Variants in SPOPL observed in about 807,000 individuals in gnomAD.
SPOPL encodes speckle-type POZ protein-like.
In SPOPL, 23 loss-of-function variants were observed where a neutral mutation model predicts 53.8. The observed-to-expected ratio is 0.43, with a 90% CI of 0.31 to 0.61. The LOEUF (loss-of-function observed/expected upper bound fraction) is 0.61. SPOPL is among the 20% of genes least tolerant of loss of function. The pLI is 0.12. For synonymous variants in SPOPL, 164 were observed against 149.7 expected, an observed-to-expected ratio of 1.10 and a Z score of -0.70; for missense variants, 442 against 466.9, an observed-to-expected ratio of 0.95 and a Z score of 0.49.
At chr2:138,521,214 TAACTTATGGTGG>T (rs1281789908) in intron 1 of SPOPL, among the ~76,000 whole-genome samples, 2 of 152,208 alleles carry the variant, frequency 1.3e-5, no homozygotes, top group Admixed American at 6.5e-5. Context: ...GAATCTGTAT[TAACTTATGGTGG>T]AACTGGACAG....
intron 10 of SPOPL, among the ~76,000 whole-genome samples, chr2:138,567,567 C>G (rs1685691146): frequency 6.6e-6 from 1 of 151,894 alleles, no homozygotes. Context: ...GGGTTTTCAC[C>G]CAGAGTGGGA....
At chr2:138,512,792 G>A (rs1684354881) in intron 1 of SPOPL, among the ~76,000 whole-genome samples, 1 of 152,006 alleles carries the variant, frequency 6.6e-6, no homozygotes, top group Admixed American at 6.5e-5. Context: ...AGTAGTTATT[G>A]ACTGACTGTT....
At chr2:138,567,372 AGTGTGTGTGTGTGTGTGT>A (rs57208490) in intron 10 of SPOPL, among the ~76,000 whole-genome samples, 1,906 of 113,032 alleles carry the variant, frequency 0.017, 36 homozygotes, top group African/African-American at 0.044. Flanking sequence ...AGAGCAGTAT[AGTGTGTGTGTGTGTGTGT>A]GTGTGTGTGT....
In SPOPL at chr2:138,559,102, A is replaced by G; in HGVS notation, c.561A>G (p.Ala187=). The G allele has an allele frequency of 1.2e-6, 2 of 1,613,848 alleles. No homozygotes were observed. Among genetic ancestry groups the G allele is most frequent in the African/African-American group, 2.7e-5 (2 of 75,052 alleles). Residue 187 remains alanine, a synonymous_variant, in exon 6 of 11, where the codon GCA becomes GCG. Transcript: ENST00000280098. ...TGAAGGTGCCTGAGTGTCGTCTAGC[A>G]GAAGATTTAGGTAATCTCTGGGAAA... ...NTLKVPECRL[A]EDLGNLWENT...
At chr2:138,527,678 T>C (rs926202617) in intron 1 of SPOPL, among the ~76,000 whole-genome samples, 2 of 152,202 alleles carry the variant, frequency 1.3e-5, no homozygotes, top group Admixed American at 6.5e-5. Flanking sequence ...TTTCTTCCCA[T>C]TTTGGACCTT....
At chr2:138,502,828 A>G (rs1684135552) in intron 1 of SPOPL, among the ~76,000 whole-genome samples, 1 of 152,230 alleles carries the variant, frequency 6.6e-6, no homozygotes, top group Admixed American at 6.5e-5. Context: ...TTGATTCAAC[A>G]TAAAAGAAAA....
intron 1 of SPOPL, among the ~76,000 whole-genome samples, chr2:138,516,359 G>A (rs1438966244): frequency 1.3e-5 from 2 of 152,174 alleles, no homozygotes; most frequent in Non-Finnish European, 2.9e-5. Flanking sequence ...AGGAAGTATT[G>A]GTAATAAGAG....
chr2:138,546,207 T>A (rs1685191880), intron 1 of SPOPL, among the ~76,000 whole-genome samples: 1 of 152,248 alleles, frequency 6.6e-6, no homozygotes, highest in African/African-American at 2.4e-5. Flanking sequence ...ATAACAAATC[T>A]TGCTTTCCCT....
chr2:138,552,782 G>C, intron 5 of SPOPL, 101 bp downstream of exon 5: 1 of 1,304,664 alleles, frequency 7.7e-7, no homozygotes. Context: ...AATTGGTATA[G>C]TTGATTGAGT....
intron 1 of SPOPL, among the ~76,000 whole-genome samples, chr2:138,521,900 G>A (rs1684566586): frequency 6.6e-6 from 1 of 152,138 alleles, no homozygotes; most frequent in South Asian, 2.1e-4. Flanking sequence ...ATTCAGAGAT[G>A]GAGGACAAAT....
intron 5 of SPOPL, 32 bp downstream of exon 5, chr2:138,552,713 G>A: frequency 1.3e-6 from 2 of 1,595,330 alleles, no homozygotes; most frequent in Non-Finnish European, 1.7e-6. Context: ...AGAACCCCAT[G>A]GTTTATTTAG....
intron 1 of SPOPL, among the ~76,000 whole-genome samples, chr2:138,515,273 A>T (rs935785299): frequency 4.6e-5 from 7 of 152,192 alleles, no homozygotes; most frequent in African/African-American, 1.7e-4. Context: ...TGAGTTTGCA[A>T]CATTGGCCCA....
At chr2:138,545,650 A>G (rs1251610263) in intron 1 of SPOPL, among the ~76,000 whole-genome samples, 1 of 151,890 alleles carries the variant, frequency 6.6e-6, no homozygotes, top group African/African-American at 2.4e-5. Context: ...CGTGTTAGCC[A>G]GGATGGTCTC....
intron 8 of SPOPL, among the ~76,000 whole-genome samples, 166 bp downstream of exon 8, chr2:138,561,093 A>T (rs1227055618): frequency 6.6e-6 from 1 of 152,168 alleles, no homozygotes; most frequent in Non-Finnish European, 1.5e-5. Flanking sequence ...TTTTTTTTTA[A>T]AAGTCATGAT....
intron 1 of SPOPL, among the ~76,000 whole-genome samples, chr2:138,542,296 C>G (rs1423046407): frequency 6.6e-6 from 1 of 152,162 alleles, no homozygotes; most frequent in East Asian, 1.9e-4. Flanking sequence ...TCCTTGTTAA[C>G]TTTGTGTCTC....
At chr2:138,544,329 AG>A (rs1685142972) in intron 1 of SPOPL, among the ~76,000 whole-genome samples, 1 of 152,202 alleles carries the variant, frequency 6.6e-6, no homozygotes, top group African/African-American at 2.4e-5. Context: ...CTGCCCCCAC[AG>A]GTGGAGTCTA....
chr2:138,503,560 A>T (rs1164162732), intron 1 of SPOPL, among the ~76,000 whole-genome samples: 4 of 152,198 alleles, frequency 2.6e-5, no homozygotes, highest in Non-Finnish European at 4.4e-5. Flanking sequence ...TAGCATGTAT[A>T]ATTTGTTATT....
At chr2:138,508,925 T>C (rs1433335695) in intron 1 of SPOPL, among the ~76,000 whole-genome samples, 1 of 152,194 alleles carries the variant, frequency 6.6e-6, no homozygotes, top group Non-Finnish European at 1.5e-5. Context: ...AGGCGTTTTA[T>C]CTTTATGTTG....
chr2:138,508,059 A>G (rs1684252386), intron 1 of SPOPL, among the ~76,000 whole-genome samples: 2 of 152,172 alleles, frequency 1.3e-5, no homozygotes, highest in African/African-American at 2.4e-5. Flanking sequence ...CCTTGGGTAT[A>G]TGGTCAATGA....
Sources: allele counts gnomAD v4.1 joint callset (sites outside exome capture counted in the v4.1 genomes callset), GRCh38; gene constraint gnomAD v4.1.1; transcripts MANE v1.5; gene names NCBI Gene and HGNC (gene_info 2026-07-23, HGNC 2026-07-21).